Variants in REV3L observed in about 807,000 individuals in gnomAD.
REV3L encodes DNA polymerase zeta catalytic subunit.
In REV3L, 69 loss-of-function variants were observed where a neutral mutation model predicts 299.4. The observed-to-expected ratio is 0.23, with a 90% CI of 0.19 to 0.28. The LOEUF is 0.28. REV3L is among the 10% of genes least tolerant of loss of function. The pLI, the probability that REV3L is intolerant of heterozygous loss-of-function variation, is 1.00. For missense variants in REV3L, 3,128 were observed against 3,693.8 expected (o/e 0.85, Z 3.97); for synonymous variants, 1,238 against 1,271.4 (o/e 0.97, Z 0.56).
chr6:111,446,040 T>C (rs1788791984), intron 1 of REV3L, among the ~76,000 whole-genome samples: 1 of 152,190 alleles, frequency 6.6e-6, no homozygotes, highest in Non-Finnish European at 1.5e-5. Context: ...AAAAAGTTCA[T>C]TTTCAGCTGT....
chr6:111,339,897 G>A (rs1776312054), intron 21 of REV3L, among the ~76,000 whole-genome samples: 2 of 152,074 alleles, frequency 1.3e-5, no homozygotes, highest in African/African-American at 4.8e-5. Context: ...TTTTTAAATT[G>A]TTGTTAAAGA....
chr6:111,394,372 T>C (rs990361646), intron 4 of REV3L, among the ~76,000 whole-genome samples: 4 of 152,214 alleles, frequency 2.6e-5, no homozygotes, highest in African/African-American at 9.7e-5. Context: ...TTGATTTGCA[T>C]CTCCCTGATG....
At chr6:111,313,521 A>G in intron 27 of REV3L, 32 bp from the exon 28 acceptor site, 2 of 1,579,120 alleles carry the variant, frequency 1.3e-6, no homozygotes, top group Non-Finnish European at 8.6e-7. Context: ...GCCTCTTAAA[A>G]ACCATTTCCC....
chr6:111,329,429 A>C, intron 25 of REV3L, 103 bp downstream of exon 25: 1 of 1,046,362 alleles, frequency 9.6e-7, no homozygotes, highest in Non-Finnish European at 1.5e-6. Context: ...AGACCCCCGC[A>C]CCACATCTTA....
chr6:111,325,494 TA>T (rs927183597), intron 25 of REV3L, among the ~76,000 whole-genome samples: 79 of 152,326 alleles, frequency 5.2e-4, no homozygotes, highest in African/African-American at 1.8e-3. Flanking sequence ...TACATTTATT[TA>T]TTCTCCATAT....
intron 17 of REV3L, 44 bp from the exon 18 acceptor site, chr6:111,357,169 T>C: frequency 1.5e-6 from 1 of 669,982 alleles, no homozygotes; most frequent in Non-Finnish European, 2.2e-6. Context: ...CATTATATAA[T>C]AATATACCTT....
intron 4 of REV3L, among the ~76,000 whole-genome samples, chr6:111,399,635 C>A (rs1489008542): frequency 1.3e-5 from 2 of 152,034 alleles, no homozygotes; most frequent in Non-Finnish European, 2.9e-5. Context: ...AGGACAACTC[C>A]CAATTTGGGT....
intron 1 of REV3L, among the ~76,000 whole-genome samples, chr6:111,429,038 C>G (rs1786528999): frequency 6.6e-6 from 1 of 152,132 alleles, no homozygotes; most frequent in African/African-American, 2.4e-5. Context: ...CAACAGACAT[C>G]TTAAGAGAAA....
intron 25 of REV3L, among the ~76,000 whole-genome samples, chr6:111,328,825 G>A (rs1290380300): frequency 1.3e-5 from 2 of 152,104 alleles, no homozygotes; most frequent in East Asian, 3.9e-4. Flanking sequence ...GAATGCAGTG[G>A]TGCAATCATG....
Position 111,374,251 on chromosome 6 carries a change from T to C in REV3L, c.4104A>G (p.Val1368=). Residue 1368 remains valine (V), a synonymous_variant, in exon 13 of 32, where the codon GTA becomes GTG. Transcript: ENST00000368802. ...CAGAAGATATCTGTGTATTCTGTGC[T>C]ACCTGAGATAAATGATTGGAAAGGT... ...IFDLSNHLSQ[V]AQNTQISSGM... The C allele has an allele frequency of 6.2e-7, 1 of 1,613,474 alleles. No homozygotes were observed. The highest frequency in any genetic ancestry group is 8.5e-7 in the Non-Finnish European group (1 of 1,179,468).
At chr6:111,331,965 AATTT>A (rs1562134238) in intron 23 of REV3L, among the ~76,000 whole-genome samples, 181 bp from the exon 24 acceptor site, 1 of 152,224 alleles carries the variant, frequency 6.6e-6, no homozygotes, top group East Asian at 1.9e-4. Flanking sequence ...AAATATTCAT[AATTT>A]ATTACAAGAA....
chr6:111,312,313 A>G (rs1339412789), intron 28 of REV3L: 2 of 152,230 alleles, frequency 1.3e-5, no homozygotes, highest in Non-Finnish European at 2.9e-5. Flanking sequence ...ATATATTGAT[A>G]ATATTCAATC....
intron 4 of REV3L, 68 bp downstream of exon 4, chr6:111,405,402 G>A: frequency 1.1e-6 from 1 of 940,358 alleles, no homozygotes. Flanking sequence ...ATAAATCACT[G>A]ACTATATAAC....
intron 2 of REV3L, among the ~76,000 whole-genome samples, 192 bp downstream of exon 2, chr6:111,416,088 AAAC>A (rs745397382): frequency 6.6e-6 from 1 of 152,194 alleles, no homozygotes; most frequent in Non-Finnish European, 1.5e-5. Context: ...ATGGGAAAGG[AAAC>A]AACAAAAATC....
chr6:111,422,633 CATATATA>C (rs1785607340), intron 1 of REV3L, among the ~76,000 whole-genome samples: 1 of 17,066 alleles, frequency 5.9e-5, no homozygotes, highest in African/African-American at 1.1e-4. Flanking sequence ...TATATATACA[CATATATA>C]TATATATACA....
chr6:111,411,823 C>T (rs1312439644), intron 2 of REV3L: 6 of 233,876 alleles, frequency 2.6e-5, no homozygotes, highest in Non-Finnish European at 3.5e-5. Context: ...TCTGAAAAAA[C>T]TATGGACAAA....
intron 1 of REV3L, among the ~76,000 whole-genome samples, chr6:111,426,449 T>A (rs2128294751): frequency 6.6e-6 from 1 of 152,308 alleles, no homozygotes; most frequent in Non-Finnish European, 1.5e-5. Flanking sequence ...TAGAAGGGAA[T>A]CAATTAACCC....
rs564758883 is a variant in REV3L at position 111,396,680 on chromosome 6, G to T, written c.566-3708C>A. The stretch of plus-strand genomic sequence containing the variant: ...GATTCAATCTTGTTACTTGTGATTC[G>T]TCTGCTCAGGTTTTCTTTTCTAAAA... On this transcript the variant is annotated intron_variant, in intron 4 of 31. Coordinates refer to ENST00000368802, the MANE Select transcript of REV3L (RefSeq NM_001372078.1). Among the ~76,000 whole-genome samples the T allele has an allele frequency of 7.2e-4, 110 of 152,080 alleles. 1 individual carries two copies. The highest frequency in any genetic ancestry group is 3.4e-3 in the Middle Eastern group (1 of 294).
intron 26 of REV3L, among the ~76,000 whole-genome samples, chr6:111,320,075 C>CT (rs569599284): frequency 0.014 from 1,746 of 127,022 alleles, 9 homozygotes; most frequent in Non-Finnish European, 0.018. Context: ...TGCACCTGGC[C>CT]TTTTTTTTTT....
Sources: gnomAD v4.1 joint callset for allele counts (sites outside exome capture counted in the v4.1 genomes callset) on GRCh38, gnomAD v4.1.1 for gene constraint, MANE v1.5 for transcripts, NCBI Gene and HGNC (gene_info 2026-07-23, HGNC 2026-07-21) for gene names.